USP31: variants seen among roughly 807,000 people sequenced by gnomAD.
USP31 encodes ubiquitin carboxyl-terminal hydrolase 31.
A neutral mutation model predicts 119.4 loss-of-function variants in USP31; 44 were observed. The ratio of observed to expected loss-of-function variants is 0.37; its 90% CI spans 0.29 to 0.47. The LOEUF is 0.47. USP31 is among the 20% of genes least tolerant of loss of function. The pLI, the probability that USP31 is intolerant of heterozygous loss-of-function variation, is 0.99. For synonymous variants in USP31, 749 were observed against 705.6 expected (o/e 1.06, Z -0.97); for missense variants, 1,643 against 1,730.2 (o/e 0.95, Z 0.89).
chr16:23,084,820 A>G (rs749884790), intron 11 of USP31, 40 bp downstream of exon 11: 1 of 1,611,022 alleles, frequency 6.2e-7, no homozygotes, highest in Non-Finnish European at 8.5e-7. Flanking sequence ...CCCACTCCCC[A>G]CTGCCCTGAG....
chr16:23,119,253 C>T (rs1902593142), intron 1 of USP31, among the ~76,000 whole-genome samples: 7 of 151,862 alleles, frequency 4.6e-5, no homozygotes, highest in Admixed American at 4.6e-4. Context: ...CGCATATCAC[C>T]ATGCCCAGCT....
rs183661512 is a variant in USP31 at position 23,147,153 on chromosome 16, G to C, written c.633+1485C>G. On this transcript the variant is annotated intron_variant, in intron 1 of 15. Coordinates refer to ENST00000219689, the MANE Select transcript of USP31 (RefSeq NM_020718.4). Reference sequence around the variant, plus strand: ...TACAGATAGAGTTTCCTGTTGCCCAGGCTGGAGTGCAATGGCACGATCTCG... The same window carrying C: ...TACAGATAGAGTTTCCTGTTGCCCACGCTGGAGTGCAATGGCACGATCTCG... 8.5e-5 allele frequency among the ~76,000 whole-genome samples: 13 copies of C among 152,268 alleles called. No individual in the cohort carries two copies. The East Asian group carries it at 2.5e-3, about 29-fold the overall frequency.
At chr16:23,098,272 C>CAT (rs1901702614) in intron 6 of USP31, among the ~76,000 whole-genome samples, 1 of 151,918 alleles carries the variant, frequency 6.6e-6, no homozygotes, top group Non-Finnish European at 1.5e-5. Flanking sequence ...ACAAGGGATG[C>CAT]AAAGGACGTC....
intron 1 of USP31, among the ~76,000 whole-genome samples, chr16:23,128,870 G>C (rs1448081808): frequency 6.6e-6 from 1 of 152,066 alleles, no homozygotes; most frequent in African/African-American, 2.4e-5. Context: ...GGAAATACAT[G>C]GACAGAGGAA....
At chr16:23,101,653 CATTA>C (rs1234683330) in intron 6 of USP31, among the ~76,000 whole-genome samples, 1 of 152,040 alleles carries the variant, frequency 6.6e-6, no homozygotes, top group East Asian at 1.9e-4. Flanking sequence ...AATACTGATG[CATTA>C]ATAACCACTG....
At chr16:23,108,324 G>A in intron 1 of USP31, 141 bp from the exon 2 acceptor site, 2 of 1,169,690 alleles carry the variant, frequency 1.7e-6, no homozygotes, top group Non-Finnish European at 2.3e-6. Context: ...AGTAAAAACA[G>A]ATGCCAGTGT....
At chr16:23,088,039 T>A (rs1378329577) in intron 7 of USP31, among the ~76,000 whole-genome samples, 2 of 152,110 alleles carry the variant, frequency 1.3e-5, no homozygotes, top group African/African-American at 2.4e-5. Flanking sequence ...TAATAGCCAA[T>A]ACACCAAAAT....
rs190953897 is a variant in USP31, at chr16:23,118,163, G to A, written c.634-9980C>T. Among the ~76,000 whole-genome samples the A allele has an allele frequency of 4.8e-3, 723 of 152,208 alleles. 4 individuals are homozygous for A. The highest frequency in any genetic ancestry group is 9.6e-3 in the Admixed American group (147 of 15,280). On this transcript the variant is annotated intron_variant, in intron 1 of 15. Transcript: ENST00000219689. Reference sequence around the variant, plus strand: ...TTTCTGCAAAATGGGAATGGTGATAGGAATGCTTTTCTAAAAGGATTACTG... The same window carrying A: ...TTTCTGCAAAATGGGAATGGTGATAAGAATGCTTTTCTAAAAGGATTACTG...
At chr16:23,131,304 T>C (rs1903024226) in intron 1 of USP31, among the ~76,000 whole-genome samples, 3 of 152,140 alleles carry the variant, frequency 2.0e-5, no homozygotes, top group Non-Finnish European at 4.4e-5. Flanking sequence ...TGTCTAAAAA[T>C]AGTAACAAAT....
Position 23,114,077 on chromosome 16 carries a change from C to T in USP31, c.634-5894G>A, listed in dbSNP as rs13332893. On this transcript the variant is annotated intron_variant, in intron 1 of 15. Transcript: ENST00000219689. Reference sequence around the variant, plus strand: ...CCAAGATCGCATCACTGCACTCCAGCCTAGGCAACAGAGCAAGACCCTTAC... The same window carrying T: ...CCAAGATCGCATCACTGCACTCCAGTCTAGGCAACAGAGCAAGACCCTTAC... Among the ~76,000 whole-genome samples the T allele has an allele frequency of 9.3e-3, 1,404 of 151,516 alleles. 18 individuals carry two copies. The highest frequency in any genetic ancestry group is 0.03 in the African/African-American group (1,218 of 41,232).
At chr16:23,129,548 G>C (rs567464321) in intron 1 of USP31, among the ~76,000 whole-genome samples, 1 of 152,264 alleles carries the variant, frequency 6.6e-6, no homozygotes, top group East Asian at 1.9e-4. Flanking sequence ...AAAGGCAAAG[G>C]TTATACAGAT....
rs1225257167 is a variant in USP31, at chr16:23,115,257, A to G, written c.634-7074T>C. ...TTAGTTTATTTGATGTCCTAAATTA[A>G]TCTTTCTGTATGTTTGCAGTTTTGA... On this transcript the variant is annotated intron_variant, in intron 1 of 15. Transcript: ENST00000219689. Among the ~76,000 whole-genome samples the G allele has an allele frequency of 1.2e-4, 18 of 152,182 alleles. No homozygotes were observed. The East Asian group carries it at 3.3e-3, about 28-fold the overall frequency.
chr16:23,126,452 G>A (rs1356319102), intron 1 of USP31, among the ~76,000 whole-genome samples: 16 of 148,062 alleles, frequency 1.1e-4, no homozygotes, highest in African/African-American at 2.5e-4. Flanking sequence ...GTGAAACCTC[G>A]TCTCTACTTA....
At chr16:23,148,323 C>T (rs1298099228) in intron 1 of USP31, among the ~76,000 whole-genome samples, 1 of 152,220 alleles carries the variant, frequency 6.6e-6, no homozygotes, top group Non-Finnish European at 1.5e-5. Context: ...TCAACACTCC[C>T]ACCCCACAAA....
rs1460851527 is a variant in USP31 at position 23,080,031 on chromosome 16, T to G, written c.2091A>C (p.Gly697=). 6.2e-7 allele frequency: 1 copy of G among 1,613,988 alleles called. No individual in the cohort carries two copies. The highest frequency in any genetic ancestry group is 8.5e-7 in the Non-Finnish European group (1 of 1,180,004). The change falls in exon 13 of 16, where the codon GGA becomes GGC. Residue 697 remains glycine, a synonymous_variant. Transcript: ENST00000219689. ...SHWSPWRRPY[G]LGRDPEDYIY... Reference sequence around the variant, plus strand: ...TGTAGTCCTCAGGGTCCCTCCCGAGTCCATAGGGCCGTCTCCACGGGGACC... The same window carrying G: ...TGTAGTCCTCAGGGTCCCTCCCGAGGCCATAGGGCCGTCTCCACGGGGACC...
intron 5 of USP31, 95 bp downstream of exon 5, chr16:23,105,346 C>T: frequency 7.2e-7 from 1 of 1,380,698 alleles, no homozygotes; most frequent in Non-Finnish European, 9.5e-7. Context: ...AATCTCTATC[C>T]AACCATACTT....
intron 1 of USP31, among the ~76,000 whole-genome samples, chr16:23,139,833 CCTTT>C (rs1438526816): frequency 6.6e-6 from 1 of 152,142 alleles, no homozygotes; most frequent in Non-Finnish European, 1.5e-5. Context: ...AAACCACTTC[CCTTT>C]CTAAGTGCTC....
At chr16:23,080,485 C>G (rs1191754534) in intron 12 of USP31, among the ~76,000 whole-genome samples, 1 of 152,136 alleles carries the variant, frequency 6.6e-6, no homozygotes, top group East Asian at 1.9e-4. Context: ...TCAGGTGGCT[C>G]TTCCTGATAC....
intron 1 of USP31, among the ~76,000 whole-genome samples, chr16:23,133,349 G>A (rs1234733132): frequency 6.6e-6 from 1 of 152,124 alleles, no homozygotes; most frequent in Non-Finnish European, 1.5e-5. Context: ...CTTTGGTTGT[G>A]CCACGTTCCT....
Sources: gnomAD v4.1 joint callset for allele counts (sites outside exome capture counted in the v4.1 genomes callset) on GRCh38, gnomAD v4.1.1 for gene constraint, MANE v1.5 for transcripts, NCBI Gene and HGNC (gene_info 2026-07-23, HGNC 2026-07-21) for gene names.